MFN1: variants seen among roughly 807,000 people sequenced by gnomAD.
The protein encoded by MFN1 is mitofusin-1.
In MFN1, 65 loss-of-function variants were observed where a neutral mutation model predicts 92.4. The ratio of observed to expected loss-of-function variants is 0.70; its 90% CI spans 0.58 to 0.86. MFN1 has a LOEUF of 0.86. Ranked by LOEUF, MFN1 falls within the 40% of genes least tolerant of loss-of-function variation. The probability of loss-of-function intolerance (pLI) is 0.00; values close to 1 mark genes in which losing one functional copy is unlikely to be tolerated. For synonymous variants in MFN1, 297 were observed against 300.9 expected (o/e 0.99, Z 0.13); for missense variants, 781 against 868.0 (o/e 0.90, Z 1.26).
intron 8 of MFN1, 73 bp from the exon 9 acceptor site, chr3:179,367,963 T>C: frequency 1.2e-6 from 1 of 820,486 alleles, no homozygotes; most frequent in Non-Finnish European, 1.6e-6. Flanking sequence ...TTTAAAATTA[T>C]AAAATCAGTA....
intron 2 of MFN1, among the ~76,000 whole-genome samples, chr3:179,350,826 G>A (rs2108521971): frequency 1.3e-5 from 2 of 152,230 alleles, no homozygotes; most frequent in East Asian, 3.9e-4. Context: ...TCTAATTAGG[G>A]TCATTCAGAT....
At chr3:179,366,750 A>G (rs1212313279) in intron 7 of MFN1, among the ~76,000 whole-genome samples, 3 of 152,206 alleles carry the variant, frequency 2.0e-5, no homozygotes, top group African/African-American at 4.8e-5. Flanking sequence ...TCCTATTTAG[A>G]TTTATTTTTG....
rs796745324 is a variant in MFN1 at position 179,355,795 on chromosome 3, T to C, written c.249-3045T>C. 3.0e-4 allele frequency among the ~76,000 whole-genome samples: 45 copies of C among 152,010 alleles called. 2 individuals carry two copies. The highest frequency in any genetic ancestry group is 1.0e-3 in the African/African-American group (42 of 41,482). ...GGTGAATCCCTGTCTCTACCAAAAA[T>C]AGAAAAATTAACTGGGTGTGGTGGT... is the stretch of plus-strand genomic sequence containing the variant. On this transcript the variant is annotated intron_variant, in intron 3 of 17. Transcript: ENST00000471841.
At chr3:179,386,399 C>T (rs946084623) in intron 15 of MFN1, 34 bp from the exon 16 acceptor site, 4 of 1,567,748 alleles carry the variant, frequency 2.6e-6, no homozygotes, top group Non-Finnish European at 3.5e-6. Flanking sequence ...TGGTGTTTTT[C>T]CTTCTCAGAC....
At chr3:179,379,299 CT>C in intron 14 of MFN1, among the ~76,000 whole-genome samples, 1 of 152,328 alleles carries the variant, frequency 6.6e-6, no homozygotes, top group East Asian at 1.9e-4. Context: ...GTATGGGCTT[CT>C]TTACTTCCTG....
At chr3:179,351,003 C>T (rs1420093294) in intron 2 of MFN1, among the ~76,000 whole-genome samples, 2 of 152,124 alleles carry the variant, frequency 1.3e-5, no homozygotes, top group East Asian at 3.9e-4. Flanking sequence ...TGGTGTTTTA[C>T]CATATTGTTC....
intron 7 of MFN1, 56 bp from the exon 8 acceptor site, chr3:179,367,383 T>G: frequency 1.3e-6 from 2 of 1,485,522 alleles, no homozygotes; most frequent in Non-Finnish European, 9.1e-7. Context: ...CTATAGTCGT[T>G]GGTTATTATA....
chr3:179,364,518 C>T, intron 6 of MFN1, 113 bp downstream of exon 6: 1 of 793,422 alleles, frequency 1.3e-6, no homozygotes, highest in African/African-American at 1.7e-5. Flanking sequence ...CTTCTAAAAA[C>T]AGGCATGAAT....
intron 4 of MFN1, among the ~76,000 whole-genome samples, chr3:179,360,997 A>G (rs1319556378): frequency 6.6e-6 from 1 of 152,038 alleles, no homozygotes; most frequent in Non-Finnish European, 1.5e-5. Flanking sequence ...AGTGGCGCAT[A>G]CCTGTAGTCC....
intron 2 of MFN1, 68 bp from the exon 3 acceptor site, chr3:179,351,832 G>C (rs978195294): frequency 2.4e-5 from 35 of 1,443,440 alleles, no homozygotes; most frequent in Middle Eastern, 2.0e-4. Context: ...ACAATCTTAG[G>C]TATTCCATTA....
In MFN1 at chr3:179,348,849, A is replaced by G. The variant is rs759805812; in HGVS notation, c.-3A>G. 7.5e-6 allele frequency: 12 copies of G among 1,609,024 alleles called. No homozygotes were observed. Among genetic ancestry groups the G allele is most frequent in the Non-Finnish European group, 9.4e-6 (11 of 1,176,244 alleles). On this transcript the variant is annotated 5_prime_UTR_variant, in exon 2 of 18. Coordinates refer to ENST00000471841, the MANE Select transcript of MFN1 (RefSeq NM_033540.3). ...TCTAACTTTATCTCCCTCTAGTAGC[A>G]TAATGGCAGAACCTGTTTCTCCACT...
In MFN1 at chr3:179,374,350, TATATAACATATATATGTAATATATATATA is replaced by T. The variant is rs1156753748; in HGVS notation, c.976-868_976-840del. Among the ~76,000 whole-genome samples the T allele has an allele frequency of 2.7e-3, 380 of 142,108 alleles. 2 individuals carry two copies. In the Middle Eastern group the frequency reaches 0.03, roughly 11 times the overall value. 93.2% of individuals were successfully genotyped at this position (142,108 alleles called of 152,430 possible). On this transcript the variant is annotated intron_variant, in intron 9 of 17. Coordinates refer to ENST00000471841, the MANE Select transcript of MFN1 (RefSeq NM_033540.3). ...ATATATATGTAATATATATATAACA[TATATAACATATATATGTAATATATATATA>T]ACATATATAACATATATATGTAATA...
intron 5 of MFN1, among the ~76,000 whole-genome samples, chr3:179,363,694 A>G (rs922472313): frequency 1.9e-4 from 29 of 151,882 alleles, no homozygotes; most frequent in African/African-American, 7.0e-4. Flanking sequence ...GGGTTTTGTC[A>G]TGTTGCTCAG....
Position 179,358,845 on chromosome 3 carries a change from G to A in MFN1, c.254G>A (p.Ser85Asn). ...TGATTTTGTATATTCTTCAGGACAA[G>A]CAGTGGGAAGAGCTCTGTTATCAAT... ...HMKVAFFGRTSSGKSSVINAM... is the reference protein window; with the variant it reads ...HMKVAFFGRTNSGKSSVINAM... The change falls in exon 4 of 18, where the codon AGC (serine) becomes AAC (asparagine). Residue 85 changes from serine to asparagine, a missense_variant. Transcript: ENST00000471841. 1 of 1,610,782 alleles carries A rather than the reference G, an allele frequency of 6.2e-7. No individual in the cohort carries two copies. The highest frequency in any genetic ancestry group is 8.5e-7 in the Non-Finnish European group (1 of 1,178,784).
chr3:179,359,177 A>G (rs989201223), intron 4 of MFN1, among the ~76,000 whole-genome samples, 175 bp downstream of exon 4: 8 of 151,792 alleles, frequency 5.3e-5, no homozygotes, highest in African/African-American at 1.7e-4. Context: ...CTGGAGTGCA[A>G]TGGCACAATC....
At chr3:179,351,035 C>A (rs1712126065) in intron 2 of MFN1, among the ~76,000 whole-genome samples, 1 of 152,114 alleles carries the variant, frequency 6.6e-6, no homozygotes, top group Non-Finnish European at 1.5e-5. Flanking sequence ...GAACTCCTGA[C>A]CTCAAGGGAT....
At chr3:179,389,653 A>G (rs73045134) in intron 16 of MFN1, among the ~76,000 whole-genome samples, 1 of 152,118 alleles carries the variant, frequency 6.6e-6, no homozygotes. Context: ...ATTTTTGCCT[A>G]TGTCACAAAA....
chr3:179,384,555 A>C (rs778326072), intron 14 of MFN1, among the ~76,000 whole-genome samples: 1 of 152,178 alleles, frequency 6.6e-6, no homozygotes, highest in Non-Finnish European at 1.5e-5. Flanking sequence ...TTTCTCACAT[A>C]TATGATTTCC....
chr3:179,374,527 A>G (rs1246144553), intron 9 of MFN1, among the ~76,000 whole-genome samples: 1 of 151,772 alleles, frequency 6.6e-6, no homozygotes, highest in African/African-American at 2.4e-5. Context: ...GTTATAAAAC[A>G]CTGATTTATA....
Sources: gnomAD v4.1 joint callset for allele counts (sites outside exome capture counted in the v4.1 genomes callset) on GRCh38, gnomAD v4.1.1 for gene constraint, MANE v1.5 for transcripts, NCBI Gene and HGNC (gene_info 2026-07-23, HGNC 2026-07-21) for gene names.